Variants in ITGAE observed in about 807,000 individuals in gnomAD.
ITGAE encodes integrin alpha-E.
In ITGAE, 99 loss-of-function variants were observed where a neutral mutation model predicts 136.5. That is an observed-to-expected ratio of 0.73 (90% CI 0.62 to 0.86). The LOEUF (loss-of-function observed/expected upper bound fraction) is 0.86, where lower values mean the gene tolerates loss of function less well. Ranked by LOEUF, ITGAE falls within the 40% of genes least tolerant of loss-of-function variation. The probability of loss-of-function intolerance (pLI) is 0.00; values close to 1 mark genes in which losing one functional copy is unlikely to be tolerated. For synonymous variants in ITGAE, 613 were observed against 591.8 expected, an observed-to-expected ratio of 1.04 and a Z score of -0.52; for missense variants, 1,447 against 1,515.3, an observed-to-expected ratio of 0.95 and a Z score of 0.75.
intron 2 of ITGAE, among the ~76,000 whole-genome samples, chr17:3,772,467 C>CTT (rs72134638): frequency 0.076 from 10,451 of 137,318 alleles, 521 homozygotes; most frequent in East Asian, 0.16. Flanking sequence ...GGTGAGCAGA[C>CTT]TTTTTTTTTT....
At chr17:3,766,816 T>C (rs1303267438) in intron 2 of ITGAE, among the ~76,000 whole-genome samples, 1 of 146,778 alleles carries the variant, frequency 6.8e-6, no homozygotes, top group Non-Finnish European at 1.5e-5. Flanking sequence ...ATAATAATAA[T>C]AATAATAATA....
Position 3,732,388 on chromosome 17 carries a change from G to A in ITGAE, c.2734C>T (p.Pro912Ser), listed in dbSNP as rs754063383. Residue 912 changes from proline (P) to serine (S), a missense_variant, in exon 22 of 31, where the codon CCC (proline) becomes TCC (serine). Physicochemically the swap from Pro to Ser is moderately conservative, Grantham distance 74. Transcript: ENST00000263087. ...VLIMNCRIGH[P>S]VLKRSSAHVS... The stretch of plus-strand genomic sequence containing the variant: ...CTCACAGATGACCTCTTGAGGACGG[G>A]GTGACCAATCCTGCAGTTCATGATC... The A allele has an allele frequency of 3.7e-6, 6 of 1,613,906 alleles. No homozygotes were observed. The African/African-American group carries it at 5.3e-5, about 14-fold the overall frequency.
chr17:3,768,410 G>A (rs533465847), intron 2 of ITGAE, among the ~76,000 whole-genome samples: 23 of 152,196 alleles, frequency 1.5e-4, no homozygotes, highest in Non-Finnish European at 4.4e-5. Context: ...AGCCTAGTGA[G>A]TTACAGTGAG....
chr17:3,746,548 C>G (rs34999733), intron 17 of ITGAE, among the ~76,000 whole-genome samples: 2 of 151,854 alleles, frequency 1.3e-5, no homozygotes, highest in Non-Finnish European at 2.9e-5. Context: ...CTCCGCCTCC[C>G]GGGTTCACAC....
At chr17:3,789,092 A>T (rs936170490) in intron 1 of ITGAE, among the ~76,000 whole-genome samples, 19 of 151,936 alleles carry the variant, frequency 1.3e-4, no homozygotes, top group African/African-American at 4.6e-4. Flanking sequence ...CAAAAAAATT[A>T]AAAAATTAGC....
At chr17:3,795,151 C>G (rs1306328562) in intron 1 of ITGAE, among the ~76,000 whole-genome samples, 3 of 152,118 alleles carry the variant, frequency 2.0e-5, no homozygotes, top group African/African-American at 4.8e-5. Context: ...CTGTCTGGCT[C>G]TGACCAAACC....
At chr17:3,795,240 T>G (rs189707025) in intron 1 of ITGAE, among the ~76,000 whole-genome samples, 2 of 152,308 alleles carry the variant, frequency 1.3e-5, no homozygotes, top group East Asian at 3.9e-4. Context: ...TGATTCAGTT[T>G]GTCTGCCCTG....
chr17:3,753,621 A>T (rs538533336), intron 13 of ITGAE, among the ~76,000 whole-genome samples, 162 bp downstream of exon 13: 3 of 152,308 alleles, frequency 2.0e-5, no homozygotes, highest in Admixed American at 2.0e-4. Flanking sequence ...TAGCAATCAG[A>T]CATGCAGAGC....
At chr17:3,795,402 T>TGTTCAACTGAGG (rs2053040715) in intron 1 of ITGAE, among the ~76,000 whole-genome samples, 1 of 152,248 alleles carries the variant, frequency 6.6e-6, no homozygotes, top group Non-Finnish European at 1.5e-5. Context: ...GTGTTCACTT[T>TGTTCAACTGAGG]GTTCAACAGA....
chr17:3,738,312 A>G (rs996089348), intron 20 of ITGAE, among the ~76,000 whole-genome samples: 1 of 151,696 alleles, frequency 6.6e-6, no homozygotes, highest in Non-Finnish European at 1.5e-5. Flanking sequence ...CTGTGATTAC[A>G]GGCGCCCACC....
intron 1 of ITGAE, among the ~76,000 whole-genome samples, chr17:3,795,889 G>A (rs556656796): frequency 1.3e-4 from 19 of 145,322 alleles, no homozygotes; most frequent in African/African-American, 3.5e-4. Flanking sequence ...GTGTGCATCC[G>A]TGTGTGTGCA....
rs772632491 is a variant in ITGAE, at chr17:3,757,034, G to A, written c.1121C>T (p.Ala374Val). 8.7e-6 allele frequency: 14 copies of A among 1,614,182 alleles called. No individual in the cohort carries two copies. The highest frequency in any genetic ancestry group is 1.2e-5 in the Non-Finnish European group (14 of 1,180,024). ...CAGTTTGCTCAGCAGCCCATCCAGCGCCATGTAGTTGGTCACCTTGAAAGC... is the reference window on the plus strand; with the variant it reads ...CAGTTTGCTCAGCAGCCCATCCAGCACCATGTAGTTGGTCACCTTGAAAGC... ...THAFKVTNYM[A>V]LDGLLSKLRY... The change falls in exon 10 of 31, where the codon GCG (alanine) becomes GTG (valine). Residue 374 changes from alanine (A) to valine (V), a missense_variant. Transcript: ENST00000263087.
intron 19 of ITGAE, among the ~76,000 whole-genome samples, chr17:3,740,944 G>T (rs765004972): frequency 6.6e-6 from 1 of 152,222 alleles, no homozygotes; most frequent in South Asian, 2.1e-4. Flanking sequence ...CCTAGAGGGG[G>T]AATGACAGCC....
intron 24 of ITGAE, 100 bp from the exon 25 acceptor site, chr17:3,728,268 A>G (rs762800726): frequency 2.6e-5 from 24 of 913,160 alleles, no homozygotes; most frequent in African/African-American, 1.1e-4. Flanking sequence ...CAGTGGAACA[A>G]TCATGGCTCA....
At chr17:3,773,942 T>C (rs2052484383) in intron 2 of ITGAE, among the ~76,000 whole-genome samples, 2 of 152,216 alleles carry the variant, frequency 1.3e-5, no homozygotes, top group African/African-American at 4.8e-5. Flanking sequence ...AATGTTTATT[T>C]TGAGACCAAA....
intron 18 of ITGAE, among the ~76,000 whole-genome samples, chr17:3,745,322 C>T (rs995162512): frequency 1.1e-4 from 16 of 152,128 alleles, no homozygotes; most frequent in Non-Finnish European, 1.9e-4. Flanking sequence ...TCTTCCGTGC[C>T]ATTACGTGGT....
In ITGAE at chr17:3,729,463, C is replaced by T. The variant is rs779595272; in HGVS notation, c.2912+15G>A. 13 of 1,572,186 alleles carry T rather than the reference C, an allele frequency of 8.3e-6. No individual in the cohort carries two copies. Among genetic ancestry groups the T allele is most frequent in the Non-Finnish European group, 5.3e-6 (6 of 1,141,864 alleles). On this transcript the variant is annotated intron_variant, in intron 24 of 30. Coordinates refer to ENST00000263087, the MANE Select transcript of ITGAE (RefSeq NM_002208.5). The stretch of plus-strand genomic sequence containing the variant: ...GATGGAGTCACACCGCTGCTGGCCT[C>T]TTGGGAGTACTCACTTGGACAGAAC...
intron 16 of ITGAE, among the ~76,000 whole-genome samples, chr17:3,748,300 C>T (rs1264668742): frequency 6.6e-6 from 1 of 152,222 alleles, no homozygotes; most frequent in Non-Finnish European, 1.5e-5. Flanking sequence ...AATTAAAATA[C>T]TGTTGGCCGA....
chr17:3,790,450 T>C (rs985478875), intron 1 of ITGAE, among the ~76,000 whole-genome samples: 4 of 151,662 alleles, frequency 2.6e-5, no homozygotes, highest in Non-Finnish European at 5.9e-5. Context: ...GAGGTTGCAG[T>C]GAGCCGAGAT....
Sources: allele counts gnomAD v4.1 joint callset (sites outside exome capture counted in the v4.1 genomes callset), GRCh38; gene constraint gnomAD v4.1.1; transcripts MANE v1.5; gene names NCBI Gene and HGNC (gene_info 2026-07-23, HGNC 2026-07-21).